Variants in ATP5PF observed in about 807,000 individuals in gnomAD.
ATP5PF encodes the protein ATP synthase peripheral stalk subunit F6.
In ATP5PF, 7 loss-of-function variants were observed where a neutral mutation model predicts 12.0. The ratio of observed to expected loss-of-function variants is 0.58; its 90% confidence interval spans 0.33 to 1.10. The LOEUF is 1.10. ATP5PF is among the 50% of genes least tolerant of loss of function. The pLI is 0.03. For missense variants in ATP5PF, 120 were observed against 127.7 expected (o/e 0.94, Z 0.29); for synonymous variants, 41 against 45.4 (o/e 0.90, Z 0.39).
intron 1 of ATP5PF, among the ~76,000 whole-genome samples, chr21:25,733,597 G>T (rs571235487): frequency 1.1e-4 from 16 of 151,792 alleles, no homozygotes; most frequent in Non-Finnish European, 2.1e-4. Flanking sequence ...AAAAAAAATT[G>T]TGCAATTCAA....
intron 2 of ATP5PF, among the ~76,000 whole-genome samples, chr21:25,727,065 T>A (rs1337337732): frequency 6.6e-6 from 1 of 152,248 alleles, no homozygotes; most frequent in Non-Finnish European, 1.5e-5. Flanking sequence ...ATCTGGCTAT[T>A]GAGCACTAGA....
Position 25,729,639 on chromosome 21 carries a change from A to C in ATP5PF, c.156T>G (p.Ser52=). ...GTTATTTATTCACTTACTGTCGCTT[A>C]GATTTGTATTCTCTAATCTTGTCCA... ...LFVDKIREYK[S]KRQTSGGPVD... Residue 52 remains serine (S), a synonymous_variant, in exon 2 of 4, where the codon TCT becomes TCG. Coordinates refer to ENST00000284971, the MANE Select transcript of ATP5PF (RefSeq NM_001003703.2). 6.2e-7 allele frequency: 1 copy of C among 1,603,568 alleles called. No homozygotes were observed. Among genetic ancestry groups the C allele is most frequent in the Middle Eastern group, 1.7e-4 (1 of 5,994 alleles).
intron 2 of ATP5PF, among the ~76,000 whole-genome samples, chr21:25,727,943 C>T (rs1471058067): frequency 1.3e-5 from 2 of 152,260 alleles, no homozygotes; most frequent in Admixed American, 6.5e-5. Flanking sequence ...ATTTTAATCC[C>T]TTCACTATTT....
chr21:25,734,913 C>T (rs1233265484), upstream of ATP5PF: 1 of 1,567,940 alleles, frequency 6.4e-7, no homozygotes, highest in Non-Finnish European at 8.6e-7. Context: ...CTACTTCCGG[C>T]CCTGGCTCCG....
chr21:25,725,062 T>G, intron 3 of ATP5PF, 164 bp downstream of exon 3: 1 of 925,030 alleles, frequency 1.1e-6, no homozygotes, highest in African/African-American at 1.7e-5. Context: ...TATACTGCTC[T>G]TATTCTAACA....
intron 1 of ATP5PF, among the ~76,000 whole-genome samples, chr21:25,732,498 T>C (rs977815546): frequency 6.8e-6 from 1 of 146,134 alleles, no homozygotes; most frequent in Non-Finnish European, 1.5e-5. Context: ...AAAAAAAAAA[T>C]AGCCAAGTGC....
intron 1 of ATP5PF, among the ~76,000 whole-genome samples, chr21:25,733,738 T>C (rs983661714): frequency 3.9e-5 from 6 of 152,244 alleles, no homozygotes; most frequent in African/African-American, 1.4e-4. Flanking sequence ...CTTACAGCAA[T>C]ACTCTCAAAG....
rs955957513 is a variant in ATP5PF at position 25,729,723 on chromosome 21, G to A, written c.72C>T (p.Asn24=). The stretch of plus-strand genomic sequence containing the variant: ...TAAATGCCACTGCTGTAACACCAAT[G>A]TTCCTCCGCAAATGGACTGAGACGG... ...RSAVSVHLRR[N]IGVTAVAFNK... is the part of the protein sequence containing the mutation. The change falls in exon 2 of 4, where the codon AAC becomes AAT. Residue 24 remains asparagine (N), a synonymous_variant. Transcript: ENST00000284971. The A allele has an allele frequency of 5.6e-6, 9 of 1,613,756 alleles. No individual in the cohort carries two copies. The highest frequency in any genetic ancestry group is 1.1e-5 in the South Asian group (1 of 91,050).
intron 2 of ATP5PF, among the ~76,000 whole-genome samples, chr21:25,726,057 T>A (rs1030316576): frequency 3.3e-5 from 5 of 152,174 alleles, no homozygotes; most frequent in African/African-American, 1.2e-4. Context: ...CACTCTAAAT[T>A]TTAGTTTCCA....
chr21:25,734,912 G>T, upstream of ATP5PF: 1 of 1,567,136 alleles, frequency 6.4e-7, no homozygotes, highest in East Asian at 2.4e-5. Flanking sequence ...TCTACTTCCG[G>T]CCCTGGCTCC....
At chr21:25,728,421 T>C (rs1378576483) in intron 2 of ATP5PF, among the ~76,000 whole-genome samples, 2 of 152,178 alleles carry the variant, frequency 1.3e-5, no homozygotes, top group Admixed American at 1.3e-4. Flanking sequence ...ACCAAATATA[T>C]TTTGTGCTTT....
At chr21:25,727,087 C>T (rs954973009) in intron 2 of ATP5PF, among the ~76,000 whole-genome samples, 6 of 152,194 alleles carry the variant, frequency 3.9e-5, no homozygotes. Flanking sequence ...ATATAGCTAA[C>T]ATGAATGAGA....
At chr21:25,733,069 A>T (rs189982716) in intron 1 of ATP5PF, among the ~76,000 whole-genome samples, 42 of 151,824 alleles carry the variant, frequency 2.8e-4, no homozygotes, top group African/African-American at 9.6e-4. Flanking sequence ...GAATGAAAGC[A>T]AACTGTTTGA....
chr21:25,725,854 G>A (rs371036742), intron 2 of ATP5PF, among the ~76,000 whole-genome samples: 8 of 152,188 alleles, frequency 5.3e-5, no homozygotes, highest in African/African-American at 1.9e-4. Context: ...TCACATAAAT[G>A]AGGTATCCTC....
rs993481492 is a variant in ATP5PF, at chr21:25,725,681, G to A, written c.165-331C>T. On this transcript the variant is annotated intron_variant, in intron 2 of 3. Transcript: ENST00000284971. ...TCTCGATCTCCTGACCTCATGATCC[G>A]CCCGCCTCGGCCTCCCATAAGTGCT... Among the ~76,000 whole-genome samples the A allele has an allele frequency of 7.2e-5, 11 of 152,040 alleles. No individual in the cohort carries two copies. The East Asian group carries it at 7.7e-4, about 11-fold the overall frequency.
chr21:25,734,986 C>T (rs1295844469), upstream of ATP5PF: 3 of 1,555,848 alleles, frequency 1.9e-6, no homozygotes, highest in Non-Finnish European at 2.6e-6. Flanking sequence ...GGTCGACGCT[C>T]ACCGGACAGG....
chr21:25,727,763 C>A (rs1363962237), intron 2 of ATP5PF, among the ~76,000 whole-genome samples: 1 of 152,164 alleles, frequency 6.6e-6, no homozygotes, highest in East Asian at 1.9e-4. Context: ...GGACAGAAGA[C>A]ACTCAAAATT....
chr21:25,730,736 C>CACACAAAAAAAAAAAA (rs1219090743), intron 1 of ATP5PF, among the ~76,000 whole-genome samples: 2 of 31,880 alleles, frequency 6.3e-5, no homozygotes, highest in Non-Finnish European at 7.0e-5. Context: ...CTCCGTCTCA[C>CACACAAAAAAAAAAAA]AAAAAAAAAA....
Position 25,729,828 on chromosome 21 carries a change from C to T in ATP5PF, c.-7-27G>A, listed in dbSNP as rs367561568. The T allele has an allele frequency of 1.6e-5, 26 of 1,600,196 alleles. No homozygotes were observed. In the Admixed American group the frequency reaches 1.8e-4, roughly 11 times the overall value. On this transcript the variant is annotated intron_variant, in intron 1 of 3. Coordinates refer to ENST00000284971, the MANE Select transcript of ATP5PF (RefSeq NM_001003703.2). The stretch of plus-strand genomic sequence containing the variant: ...TGTTACAGAAAACAAGCAGCAGAAA[C>T]GTTAATATACTTATTATAAATCACC...
Sources: allele counts gnomAD v4.1 joint callset (sites outside exome capture counted in the v4.1 genomes callset), GRCh38; gene constraint gnomAD v4.1.1; transcripts MANE v1.5; gene names NCBI Gene and HGNC (gene_info 2026-07-23, HGNC 2026-07-21).